CD36: variants seen among roughly 807,000 people sequenced by gnomAD.
CD36 encodes the protein platelet glycoprotein 4.
In CD36, 119 loss-of-function variants were observed where a neutral mutation model predicts 55.2. The observed-to-expected ratio is 2.15, with a 90% CI of 1.86 to 2.51. The LOEUF (loss-of-function observed/expected upper bound fraction) is 2.51. Ranked by LOEUF, CD36 falls within the 30% of genes most tolerant of loss-of-function variation. The probability of loss-of-function intolerance (pLI) is 0.00; values close to 1 mark genes in which losing one functional copy is unlikely to be tolerated. For missense variants in CD36, 819 were observed against 555.5 expected (o/e 1.47, Z -4.77); for synonymous variants, 186 against 193.6 (o/e 0.96, Z 0.33).
chr7:80,610,858 C>T (rs1333358216), intron 1 of CD36, among the ~76,000 whole-genome samples: 7 of 152,136 alleles, frequency 4.6e-5, no homozygotes. Context: ...CAGGCCTGAG[C>T]CACGGCACCC....
In CD36 at chr7:80,672,014, C is replaced by G. The variant is rs147903735; in HGVS notation, c.1099C>G (p.His367Asp). Residue 367 changes from histidine (H) to aspartate (D), a missense_variant, in exon 11 of 15, where the codon CAT becomes GAT. Transcript: ENST00000447544. Reference sequence around the variant, plus strand: ...TGGATTAAACCCAAATGAAGAAGAACATAGGACATACTTGGATATTGAACC... The same window carrying G: ...TGGATTAAACCCAAATGAAGAAGAAGATAGGACATACTTGGATATTGAACC... ...IDGLNPNEEE[H>D]RTYLDIEPIT... 4 of 1,607,412 alleles carry G rather than the reference C, an allele frequency of 2.5e-6. No individual in the cohort carries two copies. The African/African-American group carries it at 5.4e-5, about 22-fold the overall frequency.
rs1374834453 is a variant in CD36 at position 80,676,457 on chromosome 7, A to G, written c.*74A>G. 6.6e-6 allele frequency: 1 copy of G among 152,216 alleles called. No homozygotes were observed. The highest frequency in any genetic ancestry group is 1.5e-5 in the Non-Finnish European group (1 of 68,046). 9.4% of individuals were successfully genotyped at this position (152,216 alleles called of 1,614,324 possible). A position where few individuals can be genotyped will look rare whatever the true frequency, so the allele number is the denominator to read the frequency against. The stretch of plus-strand genomic sequence containing the variant: ...GTTTCTGGGTGGCCAATTCAGAAGA[A>G]GAGTGTACATGCTCAACAAATCCTA... On this transcript the variant is annotated 3_prime_UTR_variant, in exon 15 of 15. Transcript: ENST00000447544.
intron 3 of CD36, among the ~76,000 whole-genome samples, chr7:80,647,490 A>T (rs1207974483): frequency 5.3e-5 from 8 of 152,318 alleles, no homozygotes; most frequent in African/African-American, 1.9e-4. Context: ...AATTGACTGT[A>T]GTGTGAAAAA....
Position 80,673,280 on chromosome 7 carries a change from GAACATTTATTTTA to G in CD36, c.1200-72_1200-60del, listed in dbSNP as rs1267701521. The stretch of plus-strand genomic sequence containing the variant: ...AAATTAGCAACAGCAACTAATTTAT[GAACATTTATTTTA>G]AAGTTTGTTATATATAAATATTAGT... On this transcript the variant is annotated intron_variant, in intron 12 of 14. Coordinates refer to ENST00000447544, the MANE Select transcript of CD36 (RefSeq NM_001001548.3). 3 of 702,488 alleles carry G rather than the reference GAACATTTATTTTA, an allele frequency of 4.3e-6. No individual in the cohort carries two copies. In the Admixed American group the frequency reaches 7.5e-5, roughly 18 times the overall value. 43.5% of individuals were successfully genotyped at this position (702,488 alleles called of 1,614,324 possible).
chr7:80,644,993 ATT>A (rs1188303811), intron 1 of CD36, among the ~76,000 whole-genome samples: 1 of 150,540 alleles, frequency 6.6e-6, no homozygotes, highest in Admixed American at 6.6e-5. Context: ...GGATCCACTC[ATT>A]TCACAAACTG....
At chr7:80,615,221 C>A (rs1793081291) in intron 1 of CD36, among the ~76,000 whole-genome samples, 1 of 152,118 alleles carries the variant, frequency 6.6e-6, no homozygotes, top group Admixed American at 6.5e-5. Flanking sequence ...AATTTCTCAA[C>A]CCAATTTATT....
chr7:80,630,672 C>T (rs4316098), intron 1 of CD36, among the ~76,000 whole-genome samples: 67,933 of 151,702 alleles, frequency 0.45, 16,463 homozygotes, highest in Non-Finnish European at 0.54. Context: ...GGCTCCTTTC[C>T]TCCTGCCTAT....
intron 2 of CD36, 48 bp from the exon 3 acceptor site, chr7:80,646,604 T>C: frequency 9.8e-7 from 1 of 1,024,902 alleles, no homozygotes; most frequent in Non-Finnish European, 1.5e-6. Context: ...TTTGATCTTT[T>C]TGTACTGATA....
At chr7:80,651,324 C>A (rs1173022374) in intron 3 of CD36, among the ~76,000 whole-genome samples, 1 of 152,028 alleles carries the variant, frequency 6.6e-6, no homozygotes, top group Non-Finnish European at 1.5e-5. Flanking sequence ...AATCCGTACA[C>A]CAAACCTCCA....
rs551950745 is a variant in CD36, at chr7:80,640,449, A to C, written c.-184+1703A>C. ...ATATAAATATATATTATTTTACTTC[A>C]TTTAATACTTGCAACCTTATTTGAT... On this transcript the variant is annotated intron_variant, in intron 1 of 14. Coordinates refer to ENST00000447544, the MANE Select transcript of CD36 (RefSeq NM_001001548.3). Among the ~76,000 whole-genome samples, 34 of 152,130 alleles carry C rather than the reference A, an allele frequency of 2.2e-4. 1 individual carries two copies. The South Asian group carries it at 6.8e-3, about 31-fold the overall frequency.
At position 80,678,484 on chromosome 7, in the gene CD36, C is replaced by A. The variant is rs973353003; in HGVS notation, c.*2101C>A. 3.3e-5 allele frequency: 5 copies of A among 151,976 alleles called. No individual in the cohort carries two copies. Among genetic ancestry groups the A allele is most frequent in the Admixed American group, 6.6e-5 (1 of 15,250 alleles). The allele number at this position is 151,976 out of a possible 1,614,324, so 9.4% of individuals were successfully genotyped here. On this transcript the variant is annotated 3_prime_UTR_variant, in exon 15 of 15. Coordinates refer to ENST00000447544, the MANE Select transcript of CD36 (RefSeq NM_001001548.3). Reference sequence around the variant, plus strand: ...GAAGCTATGTAGCTTTCAGTTCTGACAGAAAAGGGTGAAGGAGGGTATCAT... The same window carrying A: ...GAAGCTATGTAGCTTTCAGTTCTGAAAGAAAAGGGTGAAGGAGGGTATCAT...
chr7:80,663,170 G>C lies in CD36; in HGVS notation c.609+1G>C. On this transcript the variant is annotated splice_donor_variant, in intron 6 of 14. Coordinates refer to ENST00000447544, the MANE Select transcript of CD36 (RefSeq NM_001001548.3). LOFTEE classifies it high-confidence loss of function. ...TACCACAGTTGGTCTGTTTTATCCT[G>C]TAAGTACCAAATATGAATGGCAATA... The C allele has an allele frequency of 6.2e-7, 1 of 1,609,784 alleles. No homozygotes were observed.
At chr7:80,652,149 C>T (rs969881657) in intron 3 of CD36, among the ~76,000 whole-genome samples, 12 of 152,006 alleles carry the variant, frequency 7.9e-5, no homozygotes, top group East Asian at 3.9e-4. Flanking sequence ...AGTATAAAAA[C>T]GAATTAAACA....
chr7:80,673,986 G>A lies in CD36; in HGVS notation c.1258G>A (p.Gly420Arg). 1 of 1,610,640 alleles carries A rather than the reference G, an allele frequency of 6.2e-7. No homozygotes were observed. The change falls in exon 14 of 15, where the codon GGG becomes AGG. Residue 420 changes from glycine to arginine, a missense_variant. Coordinates refer to ENST00000447544, the MANE Select transcript of CD36 (RefSeq NM_001001548.3). ...IVPILWLNET[G>R]TIGDEKANMF... The stretch of plus-strand genomic sequence containing the variant: ...TTGATTATTAACTTGATTACAGACT[G>A]GGACCATTGGTGATGAGAAGGCAAA...
intron 8 of CD36, among the ~76,000 whole-genome samples, chr7:80,667,754 T>TTTGTTTTG (rs1554344796): frequency 1.6e-5 from 2 of 128,726 alleles, no homozygotes; most frequent in East Asian, 2.3e-4. Context: ...TTTGTTTTTT[T>TTTGTTTTG]TTTTTTTTTT....
chr7:80,671,625 C>A (rs1797680605), intron 10 of CD36, among the ~76,000 whole-genome samples: 1 of 151,754 alleles, frequency 6.6e-6, no homozygotes, highest in African/African-American at 2.4e-5. Context: ...AATTTGGAGA[C>A]TAGCTTATCC....
chr7:80,670,680 G>C (rs895771393), intron 9 of CD36: 2 of 385,642 alleles, frequency 5.2e-6, no homozygotes, highest in African/African-American at 4.1e-5. Flanking sequence ...CATTTAAACT[G>C]ATCACAAATA....
Position 80,671,998 on chromosome 7 carries a change from C to A in CD36, c.1083C>A (p.Asn361Lys), listed in dbSNP as rs767207933. 3 of 1,608,388 alleles carry A rather than the reference C, an allele frequency of 1.9e-6. No homozygotes were observed. The highest frequency in any genetic ancestry group is 2.6e-6 in the Non-Finnish European group (3 of 1,175,600). ...PDVSEPIDGL[N>K]PNEEEHRTYL... ...TTTCAGAACCTATTGATGGATTAAA[C>A]CCAAATGAAGAAGAACATAGGACAT... The change falls in exon 11 of 15, where the codon AAC becomes AAA. Residue 361 changes from asparagine (N) to lysine (K), a missense_variant. Physicochemically the swap from Asn to Lys is moderately conservative, Grantham distance 94. Coordinates refer to ENST00000447544, the MANE Select transcript of CD36 (RefSeq NM_001001548.3).
In CD36 at chr7:80,646,873, C is replaced by T. The variant is rs575810467; in HGVS notation, c.120+13C>T. The T allele has an allele frequency of 6.2e-7, 1 of 1,613,390 alleles. No homozygotes were observed. The highest frequency in any genetic ancestry group is 8.5e-7 in the Non-Finnish European group (1 of 1,179,558). On this transcript the variant is annotated intron_variant, in intron 3 of 14. Coordinates refer to ENST00000447544, the MANE Select transcript of CD36 (RefSeq NM_001001548.3). ...GACAATTAAAAAGGTACAAGTAGTC[C>T]AAAGAATATGCCTTCTCATTTTGAT...
Sources: allele counts gnomAD v4.1 joint callset (sites outside exome capture counted in the v4.1 genomes callset), GRCh38; gene constraint gnomAD v4.1.1; transcripts MANE v1.5; gene names NCBI Gene and HGNC (gene_info 2026-07-23, HGNC 2026-07-21).